The following FAM13A variants were observed in gnomAD, a reference collection of about 807,000 sequenced individuals.
The protein encoded by FAM13A is protein FAM13A.
A neutral mutation model predicts 129.6 loss-of-function variants in FAM13A; 76 were observed. That is an observed-to-expected ratio of 0.59 (90% CI 0.49 to 0.71). FAM13A has a LOEUF of 0.71. FAM13A is among the 30% of genes least tolerant of loss of function. The probability of loss-of-function intolerance (pLI) is 0.00; values close to 1 mark genes in which losing one functional copy is unlikely to be tolerated. For missense variants in FAM13A, 1,108 were observed against 1,249.3 expected (o/e 0.89, Z 1.70); for synonymous variants, 443 against 449.9 (o/e 0.98, Z 0.20).
At chr4:88,835,703 T>C (rs886517168) in intron 7 of FAM13A, among the ~76,000 whole-genome samples, 3 of 152,098 alleles carry the variant, frequency 2.0e-5, no homozygotes, top group Non-Finnish European at 2.9e-5. Flanking sequence ...CCTAGATCCC[T>C]TGCATGTGTA....
intron 4 of FAM13A, among the ~76,000 whole-genome samples, chr4:88,980,608 T>C (rs1761534312): frequency 6.6e-6 from 1 of 152,026 alleles, no homozygotes; most frequent in Non-Finnish European, 1.5e-5. Context: ...TGCTAAAAAT[T>C]AAGGGAAAAA....
intron 1 of FAM13A, among the ~76,000 whole-genome samples, chr4:89,052,762 T>C (rs1771774481): frequency 6.6e-6 from 1 of 152,106 alleles, no homozygotes; most frequent in Admixed American, 6.6e-5. Context: ...TTTAATAGTA[T>C]CGATAGGCTG....
intron 7 of FAM13A, among the ~76,000 whole-genome samples, chr4:88,805,558 C>G (rs1455174697): frequency 1.3e-5 from 2 of 152,088 alleles, no homozygotes; most frequent in Non-Finnish European, 2.9e-5. Flanking sequence ...TGTAGTTACT[C>G]TACTAAGTAT....
chr4:88,941,069 C>G (rs1484044231), intron 4 of FAM13A, among the ~76,000 whole-genome samples: 1 of 152,086 alleles, frequency 6.6e-6, no homozygotes, highest in Non-Finnish European at 1.5e-5. Flanking sequence ...AGGGCAGAAC[C>G]AAGAATCTAG....
intron 3 of FAM13A, among the ~76,000 whole-genome samples, chr4:89,002,813 C>T (rs1390214287): frequency 5.3e-5 from 8 of 152,050 alleles, no homozygotes; most frequent in Non-Finnish European, 7.4e-5. Context: ...TTAGTATCCT[C>T]AGAAAAGTAA....
chr4:88,989,771 T>C (rs1381591930), intron 4 of FAM13A: 4 of 152,220 alleles, frequency 2.6e-5, no homozygotes, highest in Admixed American at 2.6e-4. Flanking sequence ...AAGCCCAATG[T>C]CTAAGTTAGT....
At chr4:88,958,302 G>C (rs901277788) in intron 4 of FAM13A, among the ~76,000 whole-genome samples, 1 of 152,174 alleles carries the variant, frequency 6.6e-6, no homozygotes, top group African/African-American at 2.4e-5. Context: ...ACCCTGCACC[G>C]CTTCAGGACA....
chr4:88,924,527 T>C (rs1357259276), intron 5 of FAM13A, among the ~76,000 whole-genome samples: 1 of 152,216 alleles, frequency 6.6e-6, no homozygotes, highest in African/African-American at 2.4e-5. Flanking sequence ...CTGGACCCCT[T>C]CTTTAAACCT....
intron 3 of FAM13A, among the ~76,000 whole-genome samples, chr4:89,010,283 C>T (rs539211530): frequency 2.0e-5 from 3 of 152,256 alleles, no homozygotes; most frequent in South Asian, 2.1e-4. Flanking sequence ...CTGTGTTTCC[C>T]GAGTGGTTAT....
At chr4:88,966,469 C>T (rs1458558) in intron 4 of FAM13A, among the ~76,000 whole-genome samples, 78,328 of 151,950 alleles carry the variant, frequency 0.52, 20,845 homozygotes, top group African/African-American at 0.62. Flanking sequence ...CCTGCTATAG[C>T]CAAATAAGTA....
At chr4:88,880,583 G>A (rs1286125063) in intron 6 of FAM13A, among the ~76,000 whole-genome samples, 1 of 152,070 alleles carries the variant, frequency 6.6e-6, no homozygotes, top group Non-Finnish European at 1.5e-5. Context: ...AGAGTTTCCT[G>A]GACAGAATCT....
At chr4:88,865,249 T>C (rs1740181507) in intron 6 of FAM13A, among the ~76,000 whole-genome samples, 1 of 152,186 alleles carries the variant, frequency 6.6e-6, no homozygotes, top group Admixed American at 6.5e-5. Context: ...AAGTGACTCA[T>C]TAGATGGAAA....
At chr4:88,995,669 C>T (rs995823630) in intron 3 of FAM13A, among the ~76,000 whole-genome samples, 2 of 152,088 alleles carry the variant, frequency 1.3e-5, no homozygotes, top group Non-Finnish European at 2.9e-5. Context: ...TTTTGGGACT[C>T]GGACTGGCTT....
In FAM13A at chr4:88,862,258, A is replaced by G. The variant is rs57462707; in HGVS notation, c.844-11075T>C. 2.9e-3 allele frequency among the ~76,000 whole-genome samples: 437 copies of G among 152,354 alleles called. 3 individuals are homozygous for G. Among genetic ancestry groups the G allele is most frequent in the African/African-American group, 1.0e-2 (414 of 41,588 alleles). On this transcript the variant is annotated intron_variant, in intron 6 of 23. Coordinates refer to ENST00000264344, the MANE Select transcript of FAM13A (RefSeq NM_014883.4). ...TATTTTTATATAATGTATATATACA[A>G]TGCTATTTGAGAATACACATAAGGC...
intron 4 of FAM13A, among the ~76,000 whole-genome samples, chr4:88,977,018 G>C (rs557289852): frequency 1.3e-5 from 2 of 152,222 alleles, no homozygotes; most frequent in East Asian, 3.9e-4. Flanking sequence ...TTCACACAAT[G>C]ACAAAATCAG....
chr4:88,887,501 T>A (rs1335043361), intron 6 of FAM13A, among the ~76,000 whole-genome samples: 1 of 151,484 alleles, frequency 6.6e-6, no homozygotes, highest in Non-Finnish European at 1.5e-5. Context: ...CTGGTAATTA[T>A]CATTTGGTTC....
intron 7 of FAM13A, among the ~76,000 whole-genome samples, chr4:88,821,121 A>G (rs919263958): frequency 1.3e-5 from 2 of 152,180 alleles, no homozygotes; most frequent in Non-Finnish European, 2.9e-5. Flanking sequence ...AAACAATTAC[A>G]CGTAAGGGCG....
intron 4 of FAM13A, among the ~76,000 whole-genome samples, chr4:88,980,264 C>A (rs10030965): frequency 0.7 from 105,728 of 152,098 alleles, 36,860 homozygotes; most frequent in Middle Eastern, 0.79. Flanking sequence ...TGACGTGTGA[C>A]CAGGGATTAA....
intron 1 of FAM13A, among the ~76,000 whole-genome samples, chr4:89,046,737 G>A (rs1217221375): frequency 6.6e-6 from 1 of 152,082 alleles, no homozygotes; most frequent in Non-Finnish European, 1.5e-5. Flanking sequence ...TATAATCCCA[G>A]GTACTCAGGA....
Sources: gnomAD v4.1 joint callset for allele counts (sites outside exome capture counted in the v4.1 genomes callset) on GRCh38, gnomAD v4.1.1 for gene constraint, MANE v1.5 for transcripts, NCBI Gene and HGNC (gene_info 2026-07-23, HGNC 2026-07-21) for gene names.